JARID2: variants seen among roughly 807,000 people sequenced by gnomAD.
The protein encoded by JARID2 is jumonji and AT-rich interaction domain containing 2.
A neutral mutation model predicts 125.6 loss-of-function variants in JARID2; 21 were observed. The ratio of observed to expected loss-of-function variants is 0.17; its 90% confidence interval spans 0.12 to 0.24. The LOEUF is 0.24. Ranked by LOEUF, JARID2 falls within the 10% of genes least tolerant of loss-of-function variation. The probability of loss-of-function intolerance (pLI) is 1.00; values close to 1 mark genes in which losing one functional copy is unlikely to be tolerated. For synonymous variants in JARID2, 736 were observed against 661.6 expected (o/e 1.11, Z -1.73); for missense variants, 1,303 against 1,639.6 (o/e 0.79, Z 3.55).
chr6:15,479,056 G>C (rs770303725), intron 5 of JARID2, among the ~76,000 whole-genome samples: 1 of 152,186 alleles, frequency 6.6e-6, no homozygotes, highest in Non-Finnish European at 1.5e-5. Flanking sequence ...AGTGTAACCT[G>C]CAGTTCTGTG....
intron 6 of JARID2, among the ~76,000 whole-genome samples, chr6:15,488,452 T>C (rs1012766562): frequency 1.3e-5 from 2 of 152,178 alleles, no homozygotes; most frequent in Non-Finnish European, 2.9e-5. Flanking sequence ...GAGTTAAAAA[T>C]AGAGGGTTAA....
intron 1 of JARID2, chr6:15,248,982 G>A (rs1759322308): frequency 2.0e-6 from 2 of 984,686 alleles, no homozygotes; most frequent in South Asian, 9.4e-5. Flanking sequence ...CCGGGGAGCC[G>A]TAGGTCCCCA....
chr6:15,509,746 G>A (rs969522767), intron 12 of JARID2, among the ~76,000 whole-genome samples: 8 of 152,210 alleles, frequency 5.3e-5, no homozygotes, highest in Admixed American at 5.2e-4. Context: ...GTGACCTCAG[G>A]CCCGAGTTTC....
intron 1 of JARID2, among the ~76,000 whole-genome samples, chr6:15,336,600 C>T (rs1194213207): frequency 1.3e-5 from 2 of 151,678 alleles, no homozygotes; most frequent in African/African-American, 2.4e-5. Flanking sequence ...TAAAAACATA[C>T]CCCCTTCAGT....
chr6:15,263,915 C>G (rs1039328763), intron 1 of JARID2, among the ~76,000 whole-genome samples: 1 of 152,106 alleles, frequency 6.6e-6, no homozygotes, highest in Non-Finnish European at 1.5e-5. Flanking sequence ...TTTTTAGATA[C>G]AGGGTGTCGC....
intron 1 of JARID2, 84 bp downstream of exon 1, chr6:15,246,668 T>G: frequency 8.1e-7 from 1 of 1,229,018 alleles, no homozygotes; most frequent in Non-Finnish European, 1.2e-6. Context: ...ATTCTGCCTC[T>G]GAAGGGTTTT....
Position 15,520,392 on chromosome 6 carries a change from G to A in JARID2, c.*141G>A. 1.5e-6 allele frequency: 1 copy of A among 668,070 alleles called. No individual in the cohort carries two copies. Among genetic ancestry groups the A allele is most frequent in the Non-Finnish European group, 2.3e-6 (1 of 428,536 alleles). 41.4% of individuals were successfully genotyped at this position (668,070 alleles called of 1,614,324 possible). A position where few individuals can be genotyped will look rare whatever the true frequency, so the allele number is the denominator to read the frequency against. ...CTTCTGGTTTTAGAGAACTAATTTT[G>A]TTTTAGCATTAAACTGTTGAACTTT... On this transcript the variant is annotated 3_prime_UTR_variant, in exon 18 of 18. Coordinates refer to ENST00000341776, the MANE Select transcript of JARID2 (RefSeq NM_004973.4).
chr6:15,300,559 TA>T (rs1444988919), intron 1 of JARID2, among the ~76,000 whole-genome samples: 1 of 152,186 alleles, frequency 6.6e-6, no homozygotes, highest in African/African-American at 2.4e-5. Flanking sequence ...GCCAGGAGAC[TA>T]ATGACAACAT....
intron 1 of JARID2, among the ~76,000 whole-genome samples, chr6:15,312,181 A>G (rs747598827): frequency 1.3e-5 from 2 of 151,974 alleles, no homozygotes; most frequent in African/African-American, 4.8e-5. Flanking sequence ...CAGCCTCCCA[A>G]TTAGCTGGGA....
At chr6:15,464,661 G>GTT (rs1768623723) in intron 4 of JARID2, among the ~76,000 whole-genome samples, 1 of 152,148 alleles carries the variant, frequency 6.6e-6, no homozygotes, top group Admixed American at 6.5e-5. Flanking sequence ...CTCCCCTGGA[G>GTT]TTCATTTTTA....
intron 4 of JARID2, among the ~76,000 whole-genome samples, chr6:15,453,928 C>CTAGG (rs1051791138): frequency 4.6e-5 from 7 of 152,136 alleles, no homozygotes; most frequent in Admixed American, 4.6e-4. Flanking sequence ...GATCTGGGCA[C>CTAGG]TAGGGATGCT....
At chr6:15,264,113 G>C (rs1170551812) in intron 1 of JARID2, among the ~76,000 whole-genome samples, 2 of 152,174 alleles carry the variant, frequency 1.3e-5, no homozygotes, top group Non-Finnish European at 1.5e-5. Context: ...TAAGAGAAGT[G>C]GATGGTGGGG....
chr6:15,343,536 C>T (rs1471487609), intron 1 of JARID2, among the ~76,000 whole-genome samples: 1 of 152,158 alleles, frequency 6.6e-6, no homozygotes, highest in African/African-American at 2.4e-5. Context: ...GTATGATAGT[C>T]TCTTGCTATA....
At chr6:15,369,458 T>A in intron 1 of JARID2, 1 of 291,880 alleles carries the variant, frequency 3.4e-6, no homozygotes, top group Non-Finnish European at 7.2e-6. Context: ...TCCTGTGTCC[T>A]CTATATTAAG....
intron 5 of JARID2, among the ~76,000 whole-genome samples, chr6:15,483,686 C>T (rs1201873183): frequency 3.3e-5 from 5 of 152,122 alleles, no homozygotes; most frequent in East Asian, 1.9e-4. Context: ...CAATTTTTAA[C>T]GATTAGTAAT....
intron 2 of JARID2, among the ~76,000 whole-genome samples, chr6:15,389,033 C>A (rs1764901639): frequency 6.6e-6 from 1 of 152,158 alleles, no homozygotes; most frequent in Non-Finnish European, 1.5e-5. Context: ...CCCAGGCTAG[C>A]TTCTGGTGGT....
intron 2 of JARID2, among the ~76,000 whole-genome samples, chr6:15,378,783 T>G (rs1764468567): frequency 6.6e-6 from 1 of 152,202 alleles, no homozygotes; most frequent in Non-Finnish European, 1.5e-5. Flanking sequence ...TATAAATGGA[T>G]GATTGGAGGC....
intron 3 of JARID2, among the ~76,000 whole-genome samples, chr6:15,418,538 A>T (rs546757827): frequency 6.6e-6 from 1 of 152,162 alleles, no homozygotes; most frequent in Non-Finnish European, 1.5e-5. Context: ...AGAAGGGTAT[A>T]TTGCTTTTTG....
chr6:15,442,110 GA>G lies in JARID2; in HGVS notation c.324-9884del, dbSNP rs200659485. 4.5e-3 allele frequency among the ~76,000 whole-genome samples: 624 copies of G among 139,446 alleles called. 3 individuals are homozygous for G. Among genetic ancestry groups the G allele is most frequent in the African/African-American group, 0.013 (493 of 38,110 alleles). The allele number at this position is 139,446 out of a possible 152,430, so 91.5% of individuals were successfully genotyped here. ...TCTTCTTATATTTCTCTTGCATTTT[GA>G]AAAAAAAAAAAGGAAGTAAAACAGG... On this transcript the variant is annotated intron_variant, in intron 3 of 17. Transcript: ENST00000341776.
Sources: allele counts gnomAD v4.1 joint callset (sites outside exome capture counted in the v4.1 genomes callset), GRCh38; gene constraint gnomAD v4.1.1; transcripts MANE v1.5; gene names NCBI Gene and HGNC (gene_info 2026-07-23, HGNC 2026-07-21).